ATXN10: variants seen among roughly 807,000 people sequenced by gnomAD.
ATXN10 encodes ataxin 10.
In ATXN10, 28 loss-of-function variants were observed where a neutral mutation model predicts 52.9. The ratio of observed to expected loss-of-function variants is 0.53; its 90% CI spans 0.39 to 0.73. ATXN10 has a LOEUF of 0.73. Among genes scored for constraint, ATXN10 ranks in the 30% least tolerant of loss-of-function variants. The probability of loss-of-function intolerance (pLI) is 0.00; values close to 1 mark genes in which losing one functional copy is unlikely to be tolerated. For synonymous variants in ATXN10, 226 were observed against 221.5 expected, an observed-to-expected ratio of 1.02 and a Z score of -0.18; for missense variants, 565 against 577.0, an observed-to-expected ratio of 0.98 and a Z score of 0.21.
At chr22:45,706,850 G>C (rs1924060428) in intron 5 of ATXN10, among the ~76,000 whole-genome samples, 1 of 151,914 alleles carries the variant, frequency 6.6e-6, no homozygotes, top group South Asian at 2.1e-4. Flanking sequence ...TGCTGGTTTT[G>C]GTGGCATGTT....
At position 45,744,231 on chromosome 22, in the gene ATXN10, A is replaced by G. The variant is rs1227346402; in HGVS notation, c.1173+3693A>G. On this transcript the variant is annotated intron_variant, in intron 9 of 11. Coordinates refer to ENST00000252934, the MANE Select transcript of ATXN10 (RefSeq NM_013236.4). This position sits in a 1 kb window ranked among gnomAD's most constrained non-coding sequence, Gnocchi z 4.9. ...TTGAATCAGAATCTCAAAACTACTC[A>G]TGACACAGATTTTCCTAAAATCTTT... 2.6e-5 allele frequency among the ~76,000 whole-genome samples: 4 copies of G among 152,154 alleles called. No individual in the cohort carries two copies. The highest frequency in any genetic ancestry group is 9.7e-5 in the African/African-American group (4 of 41,440).
intron 10 of ATXN10, 122 bp downstream of exon 10, chr22:45,807,144 C>A: frequency 2.5e-6 from 2 of 807,646 alleles, no homozygotes; most frequent in East Asian, 2.5e-5. Context: ...TTACTTGTTC[C>A]TGAGAACCAA....
chr22:45,684,222 A>AT lies in ATXN10; in HGVS notation c.117-5488dup, dbSNP rs1276410934. On this transcript the variant is annotated intron_variant, in intron 1 of 11. Transcript: ENST00000252934. This position sits in a 1 kb window ranked among gnomAD's most constrained non-coding sequence, Gnocchi z 4.1. ...GGCTTCTGCCTCTCAAAGCACTGGAATTATAGGCATATGAACCACTGCGCC... is the reference window on the plus strand; with the variant it reads ...GGCTTCTGCCTCTCAAAGCACTGGAATTTATAGGCATATGAACCACTGCGCC... Among the ~76,000 whole-genome samples, 3 of 151,654 alleles carry AT rather than the reference A, an allele frequency of 2.0e-5. No individual in the cohort carries two copies. The highest frequency in any genetic ancestry group is 2.9e-5 in the Non-Finnish European group (2 of 67,984).
At chr22:45,741,180 C>A (rs1925520453) in intron 9 of ATXN10, among the ~76,000 whole-genome samples, 1 of 152,196 alleles carries the variant, frequency 6.6e-6, no homozygotes, top group Non-Finnish European at 1.5e-5. Context: ...AATTAAATTT[C>A]TGCCAGATTA....
intron 9 of ATXN10, among the ~76,000 whole-genome samples, chr22:45,782,939 A>G (rs923384580): frequency 6.6e-6 from 1 of 151,916 alleles, no homozygotes; most frequent in African/African-American, 2.4e-5. Context: ...GAGATTAACA[A>G]CGATAACTAA....
rs1926817425 is a variant in ATXN10, at chr22:45,772,656, T to G, written c.1173+32118T>G. On this transcript the variant is annotated intron_variant, in intron 9 of 11. Transcript: ENST00000252934. This position sits in a 1 kb window ranked among gnomAD's most constrained non-coding sequence, Gnocchi z 4.1. Reference sequence around the variant, plus strand: ...CAGCTCTCTTTGGGGGGAATCAATGTCTTACTGTGTTGAGTCTTCCAATCC... The same window carrying G: ...CAGCTCTCTTTGGGGGGAATCAATGGCTTACTGTGTTGAGTCTTCCAATCC... 6.6e-6 allele frequency among the ~76,000 whole-genome samples: 1 copy of G among 152,242 alleles called. No individual in the cohort carries two copies. Among genetic ancestry groups the G allele is most frequent in the Non-Finnish European group, 1.5e-5 (1 of 68,030 alleles).
chr22:45,823,098 A>G lies in ATXN10; in HGVS notation c.1237+16076A>G, dbSNP rs1484397228. 1 of 463,324 alleles carries G rather than the reference A, an allele frequency of 2.2e-6. No individual in the cohort carries two copies. Among genetic ancestry groups the G allele is most frequent in the Non-Finnish European group, 4.5e-6 (1 of 224,554 alleles). 28.7% of individuals were successfully genotyped at this position (463,324 alleles called of 1,614,324 possible). On this transcript the variant is annotated intron_variant, in intron 10 of 11. Transcript: ENST00000252934. This position sits in a 1 kb window ranked among gnomAD's most constrained non-coding sequence, Gnocchi z 4.9. ...AGTAAACTGCAAAATTTTTAAGTAT[A>G]CATCTTGACATAAGTACAGATGTAT... is the stretch of plus-strand genomic sequence containing the variant.
Position 45,762,877 on chromosome 22 carries a change from G to A in ATXN10, c.1173+22339G>A, listed in dbSNP as rs1312605062. On this transcript the variant is annotated intron_variant, in intron 9 of 11. Transcript: ENST00000252934. This position sits in a 1 kb window ranked among gnomAD's most constrained non-coding sequence, Gnocchi z 4.3. ...CCTTGGGTCTGTCTCCATCCCTGTT[G>A]TAGTCCCTCACAGCCCAGACTGTGG... is the stretch of plus-strand genomic sequence containing the variant. 2.0e-5 allele frequency among the ~76,000 whole-genome samples: 3 copies of A among 152,180 alleles called. No individual in the cohort carries two copies. The highest frequency in any genetic ancestry group is 7.2e-5 in the African/African-American group (3 of 41,442).
chr22:45,749,142 G>C (rs923484964), intron 9 of ATXN10, among the ~76,000 whole-genome samples: 4 of 151,730 alleles, frequency 2.6e-5, no homozygotes, highest in African/African-American at 9.7e-5. Context: ...GTGCTTCATC[G>C]TGGAATTCCT....
chr22:45,700,943 A>G (rs1224547915), intron 4 of ATXN10, among the ~76,000 whole-genome samples: 1 of 152,160 alleles, frequency 6.6e-6, no homozygotes, highest in African/African-American at 2.4e-5. Flanking sequence ...ATTTGTCTCG[A>G]TTGGATCCTG....
In ATXN10 at chr22:45,734,265, C is replaced by T. The variant is rs1315107057; in HGVS notation, c.895-4466C>T. 1.9e-5 allele frequency: 3 copies of T among 158,932 alleles called. No homozygotes were observed. In the Admixed American group the frequency reaches 1.9e-4, roughly 10 times the overall value. The allele number at this position is 158,932 out of a possible 1,614,324, so 9.8% of individuals were successfully genotyped here. On this transcript the variant is annotated intron_variant, in intron 7 of 11. Transcript: ENST00000252934. ...GTGCAACACAAGATTGCACGAGTTG[C>T]CTTTTGCAGATCTGATTTAATTACT...
At chr22:45,724,405 T>A (rs886432848) in intron 6 of ATXN10, among the ~76,000 whole-genome samples, 1 of 152,220 alleles carries the variant, frequency 6.6e-6, no homozygotes, top group Non-Finnish European at 1.5e-5. Flanking sequence ...TTAATTTGCA[T>A]TTCCCTGATG....
chr22:45,776,470 A>T (rs981979273), intron 9 of ATXN10, among the ~76,000 whole-genome samples: 1 of 150,988 alleles, frequency 6.6e-6, no homozygotes, highest in Admixed American at 6.6e-5. Flanking sequence ...CCACAGCCAT[A>T]TGAAGTTTTT....
intron 5 of ATXN10, among the ~76,000 whole-genome samples, chr22:45,717,618 TGTA>T (rs1433524453): frequency 6.6e-6 from 1 of 152,210 alleles, no homozygotes; most frequent in Non-Finnish European, 1.5e-5. Flanking sequence ...GACAGTGTAT[TGTA>T]GTAGTTAATA....
chr22:45,768,091 T>C (rs1179699204), intron 9 of ATXN10, among the ~76,000 whole-genome samples: 1 of 152,210 alleles, frequency 6.6e-6, no homozygotes, highest in East Asian at 1.9e-4. Flanking sequence ...AAATCATGGT[T>C]AGTATTTTTC....
intron 9 of ATXN10, among the ~76,000 whole-genome samples, chr22:45,753,564 C>G (rs2146820160): frequency 6.6e-6 from 1 of 151,898 alleles, no homozygotes; most frequent in South Asian, 2.1e-4. Flanking sequence ...CACCACCATG[C>G]CCAGCTAATT....
At chr22:45,751,814 TAA>T in intron 9 of ATXN10, among the ~76,000 whole-genome samples, 1 of 144,942 alleles carries the variant, frequency 6.9e-6, no homozygotes. Flanking sequence ...GTCCCACATC[TAA>T]AGCAGTTTTG....
chr22:45,717,845 T>C (rs1298247010), intron 5 of ATXN10, among the ~76,000 whole-genome samples: 2 of 152,210 alleles, frequency 1.3e-5, no homozygotes, highest in Non-Finnish European at 2.9e-5. Flanking sequence ...TGAATCTTTT[T>C]AGTTGTCACA....
In ATXN10 at chr22:45,671,883, T is replaced by C. The variant is rs1922450405; in HGVS notation, c.-181T>C. ...CGAGTCTGGGCTCAGCCTAGAGCTC[T>C]CCGGCGGCGGCGCAGCTTCAGGGCA... On this transcript the variant is annotated 5_prime_UTR_variant, in exon 1 of 12. Transcript: ENST00000252934. The C allele has an allele frequency of 3.1e-6, 2 of 639,118 alleles. No homozygotes were observed. The highest frequency in any genetic ancestry group is 2.0e-5 in the South Asian group (1 of 49,648). The allele number at this position is 639,118 out of a possible 1,614,324, so 39.6% of individuals were successfully genotyped here. A position where few individuals can be genotyped will look rare whatever the true frequency, so the allele number is the denominator to read the frequency against.
Sources: gnomAD v4.1 joint callset for allele counts (sites outside exome capture counted in the v4.1 genomes callset) on GRCh38, gnomAD v4.1.1 for gene constraint, Gnocchi (gnomAD v3.1) non-coding constraint, MANE v1.5 for transcripts, NCBI Gene and HGNC (gene_info 2026-07-23, HGNC 2026-07-21) for gene names.